ALMS1: variants seen among roughly 807,000 people sequenced by gnomAD.
The protein encoded by ALMS1 is ALMS1 centrosome and basal body associated protein, also known as centrosome-associated protein ALMS1.
Under a neutral mutation model 352.2 loss-of-function variants are expected in ALMS1, and 271 were observed. The observed-to-expected ratio is 0.77, with a 90% CI of 0.70 to 0.85. The LOEUF is 0.85. Ranked by LOEUF, ALMS1 falls within the 40% of genes least tolerant of loss-of-function variation. The pLI, the probability that ALMS1 is intolerant of heterozygous loss-of-function variation, is 0.00. For synonymous variants in ALMS1, 1,865 were observed against 1,761.2 expected, an observed-to-expected ratio of 1.06 and a Z score of -1.48; for missense variants, 5,445 against 4,870.7, an observed-to-expected ratio of 1.12 and a Z score of -3.51.
intron 7 of ALMS1, among the ~76,000 whole-genome samples, chr2:73,436,972 C>T (rs1365597884): frequency 3.3e-5 from 5 of 152,108 alleles, no homozygotes; most frequent in Non-Finnish European, 5.9e-5. Context: ...CTAAACTGGA[C>T]GTTTTGGATA....
At chr2:73,593,494 G>GTA (rs1675475388) in intron 16 of ALMS1, among the ~76,000 whole-genome samples, 1 of 152,122 alleles carries the variant, frequency 6.6e-6, no homozygotes, top group Non-Finnish European at 1.5e-5. Flanking sequence ...GAACTATAGA[G>GTA]TATAACCTTT....
At chr2:73,557,070 A>C (rs963242978) in intron 13 of ALMS1, 150 bp from the exon 14 acceptor site, 5 of 1,020,340 alleles carry the variant, frequency 4.9e-6, no homozygotes, top group African/African-American at 1.6e-5. Context: ...AATTCATGTC[A>C]CAGTTTTTAC....
At chr2:73,563,722 C>CAAAAAAA (rs1170434973) in intron 15 of ALMS1, among the ~76,000 whole-genome samples, 7 of 52,146 alleles carry the variant, frequency 1.3e-4, no homozygotes, top group African/African-American at 6.1e-4. Flanking sequence ...GACTCCATCT[C>CAAAAAAA]AAAAAAAAAA....
At chr2:73,438,070 G>A (rs978627131) in intron 7 of ALMS1, among the ~76,000 whole-genome samples, 3 of 152,154 alleles carry the variant, frequency 2.0e-5, no homozygotes, top group Non-Finnish European at 4.4e-5. Context: ...TTCCCCAGCT[G>A]TGAGTATATG....
chr2:73,413,668 T>C (rs996761571), intron 2 of ALMS1, among the ~76,000 whole-genome samples: 2 of 152,210 alleles, frequency 1.3e-5, no homozygotes, highest in Non-Finnish European at 1.5e-5. Context: ...TTCAGAAGTT[T>C]TGTAGTTTTA....
rs1558648759 is a variant in ALMS1 at position 73,450,097 on chromosome 2, CT to C, written c.3572del (p.Phe1191SerfsTer73). ...KTWIPRVLSTFYSQREKPGIF... is the reference protein window; with the variant it reads ...KTWIPRVLSTXYSQREKPGIF... ...CTTGGATACCAAGAGTACTTTCTAC[CT>C]TCTACTCACAAAGAGAGAAACCTGG... On this transcript the variant is annotated frameshift_variant, in exon 8 of 23. Coordinates refer to ENST00000613296, the MANE Select transcript of ALMS1 (RefSeq NM_001378454.1). LOFTEE classifies it high-confidence loss of function. 6.2e-7 allele frequency: 1 copy of C among 1,613,336 alleles called. No homozygotes were observed. Among genetic ancestry groups the C allele is most frequent in the Non-Finnish European group, 8.5e-7 (1 of 1,179,792 alleles).
At chr2:73,500,897 G>A (rs974125985) in intron 10 of ALMS1, among the ~76,000 whole-genome samples, 1 of 152,018 alleles carries the variant, frequency 6.6e-6, no homozygotes, top group Non-Finnish European at 1.5e-5. Flanking sequence ...TCTCATCTAG[G>A]ATTAGATACG....
At position 73,420,439 on chromosome 2, in the gene ALMS1, C is replaced by G. The variant is rs541618060; in HGVS notation, c.646+1121C>G. Among the ~76,000 whole-genome samples the G allele has an allele frequency of 2.4e-4, 37 of 152,112 alleles. 1 individual carries two copies. The South Asian group carries it at 7.3e-3, about 30-fold the overall frequency. ...AACAAACAACAGTAGTATGTATGACCAACAAAACCGAAAATATTTACCATC... is the reference window on the plus strand; with the variant it reads ...AACAAACAACAGTAGTATGTATGACGAACAAAACCGAAAATATTTACCATC... On this transcript the variant is annotated intron_variant, in intron 3 of 22. Transcript: ENST00000613296.
At chr2:73,489,606 TAAG>T (rs1558666465) in intron 9 of ALMS1, 25 bp from the exon 10 acceptor site, 1 of 1,613,720 alleles carries the variant, frequency 6.2e-7, no homozygotes, top group Non-Finnish European at 8.5e-7. Context: ...CTACTTCAAA[TAAG>T]AACCTGTTTG....
intron 10 of ALMS1, among the ~76,000 whole-genome samples, chr2:73,503,652 T>C (rs549714034): frequency 2.2e-4 from 33 of 152,312 alleles, no homozygotes; most frequent in African/African-American, 7.9e-4. Flanking sequence ...TTTCTAGTTC[T>C]AGATCCCTGA....
chr2:73,491,359 G>A lies in ALMS1; in HGVS notation c.9400G>A (p.Asp3134Asn). 4 of 1,614,104 alleles carry A rather than the reference G, an allele frequency of 2.5e-6. No homozygotes were observed. Among genetic ancestry groups the A allele is most frequent in the East Asian group, 2.2e-5 (1 of 44,876 alleles). ...DFQVVQPSLP[D>N]SNTITQDLKT... ...CCAAGTCGTACAGCCTTCTCTTCCAGACAGTAACACTATTACTCAGGACTT... is the reference window on the plus strand; with the variant it reads ...CCAAGTCGTACAGCCTTCTCTTCCAAACAGTAACACTATTACTCAGGACTT... Residue 3134 changes from aspartate (D) to asparagine (N), a missense_variant, in exon 10 of 23, where the codon GAC becomes AAC. Transcript: ENST00000613296.
upstream of ALMS1, chr2:73,385,834 T>G: frequency 1.5e-6 from 1 of 647,220 alleles, no homozygotes; most frequent in Non-Finnish European, 2.8e-6. Context: ...CCCCCCCTCC[T>G]CCTCCTCCTC....
chr2:73,562,133 A>G (rs1255906468), intron 15 of ALMS1, among the ~76,000 whole-genome samples: 5 of 151,248 alleles, frequency 3.3e-5, no homozygotes, highest in Non-Finnish European at 7.4e-5. Context: ...GAAGAATGGA[A>G]CTTACAATTG....
chr2:73,430,148 C>A (rs1024642030), intron 6 of ALMS1, among the ~76,000 whole-genome samples: 4 of 150,860 alleles, frequency 2.7e-5, no homozygotes, highest in Admixed American at 1.3e-4. Context: ...GCGGTCTCAG[C>A]TCACTGCAAG....
In ALMS1 at chr2:73,572,439, A is replaced by G. The variant is rs1674952198; in HGVS notation, c.10562A>G (p.Lys3521Arg). 1.2e-6 allele frequency: 2 copies of G among 1,613,868 alleles called. No homozygotes were observed. Among genetic ancestry groups the G allele is most frequent in the African/African-American group, 1.3e-5 (1 of 75,024 alleles). Residue 3521 changes from lysine to arginine, a missense_variant, in exon 16 of 23, where the codon AAA (lysine) becomes AGA (arginine). Lys to Arg is a conservative substitution (Grantham distance 26, BLOSUM62 2). Transcript: ENST00000613296. ...WKDFFQHHPD[K>R]HREHMCLPLP... ...GATTTCTTTCAGCATCATCCAGACA[A>G]ACATAGAGAACACATGTGTCTTCCT... is the stretch of plus-strand genomic sequence containing the variant.
chr2:73,560,217 G>A (rs148485330), intron 15 of ALMS1, among the ~76,000 whole-genome samples: 3 of 152,042 alleles, frequency 2.0e-5, no homozygotes, highest in Non-Finnish European at 4.4e-5. Flanking sequence ...TTAAAAACAC[G>A]TAACTTATTT....
rs953398488 is a variant in ALMS1, at chr2:73,496,585, G to A, written c.9539+5087G>A. On this transcript the variant is annotated intron_variant, in intron 10 of 22. Coordinates refer to ENST00000613296, the MANE Select transcript of ALMS1 (RefSeq NM_001378454.1). Reference sequence around the variant, plus strand: ...TTTGTTTCTCTACAGTAAATACTAAGAAAGAGGATTCCTGAGTTATATGGT... The same window carrying A: ...TTTGTTTCTCTACAGTAAATACTAAAAAAGAGGATTCCTGAGTTATATGGT... 3.3e-5 allele frequency among the ~76,000 whole-genome samples: 5 copies of A among 152,002 alleles called. No individual in the cohort carries two copies. In the East Asian group the frequency reaches 7.7e-4, roughly 23 times the overall value.
chr2:73,578,688 T>G (rs983430700), intron 16 of ALMS1, among the ~76,000 whole-genome samples: 2 of 152,186 alleles, frequency 1.3e-5, no homozygotes, highest in Non-Finnish European at 2.9e-5. Flanking sequence ...ACAAAAACTG[T>G]GGGTAGACAT....
At position 73,601,197 on chromosome 2, in the gene ALMS1, G is replaced by A. The variant is rs1675676969; in HGVS notation, c.11875G>A (p.Val3959Ile). The change falls in exon 19 of 23, where the codon GTT (valine) becomes ATT (isoleucine). Residue 3959 changes from valine (V) to isoleucine (I), a missense_variant and splice_region_variant. Coordinates refer to ENST00000613296, the MANE Select transcript of ALMS1 (RefSeq NM_001378454.1). Reference sequence around the variant, plus strand: ...CTTCTAAAAACTGTTTCCTGTAGGAGTTTCCTGGTTTGTTCCTGTGGAAAA... The same window carrying A: ...CTTCTAAAAACTGTTTCCTGTAGGAATTTCCTGGTTTGTTCCTGTGGAAAA... ...KKNKKNSHEG[V>I]SWFVPVENVE... 29 of 1,614,176 alleles carry A rather than the reference G, an allele frequency of 1.8e-5. No homozygotes were observed. The highest frequency in any genetic ancestry group is 2.4e-5 in the Non-Finnish European group (28 of 1,180,036).
Sources: allele counts gnomAD v4.1 joint callset (sites outside exome capture counted in the v4.1 genomes callset), GRCh38; gene constraint gnomAD v4.1.1; transcripts MANE v1.5; gene names NCBI Gene and HGNC (gene_info 2026-07-23, HGNC 2026-07-21).